The following AGBL4 variants were observed in gnomAD, a reference collection of about 807,000 sequenced individuals.
AGBL4 encodes AGBL carboxypeptidase 4, also known as cytosolic carboxypeptidase 6.
Under a neutral mutation model 66.4 loss-of-function variants are expected in AGBL4, and 58 were observed. The ratio of observed to expected loss-of-function variants is 0.87; its 90% confidence interval spans 0.71 to 1.09. The LOEUF is 1.09. Among genes scored for constraint, AGBL4 ranks in the 50% least tolerant of loss-of-function variants. The pLI is 0.00. For missense variants in AGBL4, 579 were observed against 631.0 expected (o/e 0.92, Z 0.88); for synonymous variants, 234 against 222.9 (o/e 1.05, Z -0.44).
intron 3 of AGBL4, among the ~76,000 whole-genome samples, chr1:49,272,367 C>T (rs1205820897): frequency 6.6e-6 from 1 of 152,070 alleles, no homozygotes; most frequent in African/African-American, 2.4e-5. Flanking sequence ...CCTTAATGGG[C>T]TCCACCCTGA....
At chr1:49,895,072 T>C (rs1022771910) in intron 1 of AGBL4, among the ~76,000 whole-genome samples, 2 of 151,918 alleles carry the variant, frequency 1.3e-5, no homozygotes, top group Middle Eastern at 3.2e-3. Context: ...AACATTTCAG[T>C]GGAAGCCCTA....
chr1:49,943,372 T>A (rs1244467826), intron 1 of AGBL4, among the ~76,000 whole-genome samples: 1 of 151,968 alleles, frequency 6.6e-6, no homozygotes, highest in African/African-American at 2.4e-5. Context: ...CAGGAATAAA[T>A]CAGGAAAGCC....
At chr1:48,713,976 G>T (rs1647007325) in intron 6 of AGBL4, among the ~76,000 whole-genome samples, 1 of 152,120 alleles carries the variant, frequency 6.6e-6, no homozygotes, top group Non-Finnish European at 1.5e-5. Context: ...CCTACCCAAG[G>T]CTTGCTCATA....
chr1:49,294,682 C>G (rs1370458394), intron 3 of AGBL4, among the ~76,000 whole-genome samples: 3 of 152,216 alleles, frequency 2.0e-5, no homozygotes, highest in Non-Finnish European at 4.4e-5. Context: ...TCTGCCAGAT[C>G]TGGCTCTTCA....
At chr1:49,792,399 C>A (rs1644623441) in intron 2 of AGBL4, among the ~76,000 whole-genome samples, 2 of 151,872 alleles carry the variant, frequency 1.3e-5, no homozygotes, top group Non-Finnish European at 2.9e-5. Context: ...AAACCAGGAG[C>A]AAATTATAGA....
At chr1:48,802,921 C>G (rs1436443094) in intron 6 of AGBL4, among the ~76,000 whole-genome samples, 1 of 152,188 alleles carries the variant, frequency 6.6e-6, no homozygotes, top group Non-Finnish European at 1.5e-5. Context: ...GGTTCCAACC[C>G]TCAGCATCAG....
intron 4 of AGBL4, among the ~76,000 whole-genome samples, chr1:49,102,105 C>T (rs1019384861): frequency 3.9e-5 from 6 of 152,066 alleles, no homozygotes; most frequent in Admixed American, 6.6e-5. Context: ...TACCCTTAGA[C>T]GGCCAAACAC....
intron 3 of AGBL4, among the ~76,000 whole-genome samples, chr1:49,366,969 G>A (rs1644252276): frequency 6.6e-6 from 1 of 152,172 alleles, no homozygotes; most frequent in Admixed American, 6.5e-5. Context: ...GGCAAGACAA[G>A]CTAGGTGAGG....
chr1:48,582,767 T>C (rs1199790411), intron 11 of AGBL4, among the ~76,000 whole-genome samples: 2 of 152,186 alleles, frequency 1.3e-5, no homozygotes, highest in East Asian at 3.9e-4. Flanking sequence ...AGATAACCAG[T>C]ACAAGGTCAC....
intron 5 of AGBL4, among the ~76,000 whole-genome samples, chr1:49,043,074 T>C (rs1643985493): frequency 6.6e-6 from 1 of 152,172 alleles, no homozygotes; most frequent in African/African-American, 2.4e-5. Context: ...AGATCGCAAT[T>C]CATATGTCTG....
intron 5 of AGBL4, among the ~76,000 whole-genome samples, chr1:49,043,790 C>G (rs1281520084): frequency 6.6e-6 from 1 of 152,190 alleles, no homozygotes; most frequent in African/African-American, 2.4e-5. Flanking sequence ...GAATCTCAGA[C>G]TACAAGAATA....
intron 4 of AGBL4, among the ~76,000 whole-genome samples, chr1:49,135,737 C>T (rs111355728): frequency 0.024 from 3,637 of 152,236 alleles, 124 homozygotes; most frequent in African/African-American, 0.083. Context: ...CCGCCCTGGG[C>T]GGCCCAGTGT....
chr1:49,657,101 G>T (rs1646155076), intron 3 of AGBL4, among the ~76,000 whole-genome samples: 1 of 152,150 alleles, frequency 6.6e-6, no homozygotes, highest in Non-Finnish European at 1.5e-5. Flanking sequence ...TGTATATCTA[G>T]AAAACCCCAT....
At chr1:48,649,099 TACAGA>T (rs1441731705) in intron 8 of AGBL4, among the ~76,000 whole-genome samples, 1 of 152,226 alleles carries the variant, frequency 6.6e-6, no homozygotes, top group East Asian at 1.9e-4. Flanking sequence ...GTACTGGGGA[TACAGA>T]GAACAAGGTA....
At chr1:49,345,634 TTC>T (rs746283656) in intron 3 of AGBL4, among the ~76,000 whole-genome samples, 1 of 152,172 alleles carries the variant, frequency 6.6e-6, no homozygotes, top group African/African-American at 2.4e-5. Flanking sequence ...TGGTGATACT[TTC>T]TGTTTTGTTT....
intron 9 of AGBL4, among the ~76,000 whole-genome samples, chr1:48,628,964 T>C (rs551580145): frequency 1.9e-3 from 162 of 86,348 alleles, no homozygotes; most frequent in Non-Finnish European, 3.5e-3. Context: ...TGTAAGCTTC[T>C]CCCGACTGGG....
At chr1:49,197,017 T>TG (rs1291216640) in intron 4 of AGBL4, among the ~76,000 whole-genome samples, 1 of 151,990 alleles carries the variant, frequency 6.6e-6, no homozygotes, top group Non-Finnish European at 1.5e-5. Flanking sequence ...TTAGTAGAGA[T>TG]GGGGTTTTGT....
chr1:48,940,175 C>A (rs983038552), intron 5 of AGBL4, among the ~76,000 whole-genome samples: 1 of 152,090 alleles, frequency 6.6e-6, no homozygotes, highest in Non-Finnish European at 1.5e-5. Flanking sequence ...GTCAGGAGTT[C>A]GAAACCAGCC....
At chr1:49,123,587 T>C (rs183164127) in intron 4 of AGBL4, among the ~76,000 whole-genome samples, 41 of 152,318 alleles carry the variant, frequency 2.7e-4, no homozygotes, top group African/African-American at 9.4e-4. Context: ...AGAGCTGGTA[T>C]AAGAAATAGC....
Sources: gnomAD v4.1 joint callset for allele counts (sites outside exome capture counted in the v4.1 genomes callset) on GRCh38, gnomAD v4.1.1 for gene constraint, MANE v1.5 for transcripts, NCBI Gene and HGNC (gene_info 2026-07-23, HGNC 2026-07-21) for gene names.